CCDC102A: variants seen among roughly 807,000 people sequenced by gnomAD.
CCDC102A encodes the protein coiled-coil domain-containing protein 102A.
In CCDC102A, 40 loss-of-function variants were observed where a neutral mutation model predicts 55.5. That is an observed-to-expected ratio of 0.72 (90% CI 0.56 to 0.94). The LOEUF (loss-of-function observed/expected upper bound fraction) is 0.94. Among genes scored for constraint, CCDC102A ranks in the 40% least tolerant of loss-of-function variants. The pLI, the probability that CCDC102A is intolerant of heterozygous loss-of-function variation, is 0.00. For synonymous variants in CCDC102A, 323 were observed against 339.0 expected (o/e 0.95, Z 0.52); for missense variants, 779 against 768.6 (o/e 1.01, Z -0.16).
intron 5 of CCDC102A, 71 bp from the exon 6 acceptor site, chr16:57,518,348 G>C: frequency 7.0e-7 from 1 of 1,432,510 alleles, no homozygotes; most frequent in Non-Finnish European, 9.5e-7. Flanking sequence ...GGATGCCCCC[G>C]CCACCTCCTG....
chr16:57,518,665 C>T lies in CCDC102A; in HGVS notation c.998G>A (p.Arg333His), dbSNP rs777453730. Residue 333 changes from arginine (R) to histidine (H), a missense_variant, in exon 5 of 9, where the codon CGC (arginine) becomes CAC (histidine). Transcript: ENST00000258214. Reference protein sequence around the residue: ...SEDLEDELGARSSMDRKMAEL... With the variant: ...SEDLEDELGAHSSMDRKMAEL... ...GGCCATTTTCCGGTCCATGCTGGAG[C>T]GTGCACCGAGCTCATCTTCCAGGTC... 217 of 1,613,708 alleles carry T rather than the reference C, an allele frequency of 1.3e-4. No homozygotes were observed. Among genetic ancestry groups the T allele is most frequent in the Non-Finnish European group, 1.8e-4 (211 of 1,179,966 alleles).
At chr16:57,514,974 G>C (rs2031927841) in intron 8 of CCDC102A, among the ~76,000 whole-genome samples, 1 of 152,138 alleles carries the variant, frequency 6.6e-6, no homozygotes, top group South Asian at 2.1e-4. Context: ...TCAGATCCCT[G>C]CTGTCTTGGT....
In CCDC102A at chr16:57,520,588, TAACATAAATA is replaced by T. The variant is rs1354554278; in HGVS notation, c.921+470_921+479del. ...TAACATAACATAACATAACATAACA[TAACATAAATA>T]AAATAAAATAAATAAAATAAAATAA... On this transcript the variant is annotated intron_variant, in intron 4 of 8. Transcript: ENST00000258214. 1.6e-3 allele frequency among the ~76,000 whole-genome samples: 203 copies of T among 125,458 alleles called. 3 individuals are homozygous for T. Among genetic ancestry groups the T allele is most frequent in the African/African-American group, 6.7e-3 (191 of 28,372 alleles). The allele number at this position is 125,458 out of a possible 152,430, so 82.3% of individuals were successfully genotyped here.
rs759395585 is a variant in CCDC102A, at chr16:57,528,820, C to G, written c.358G>C (p.Glu120Gln). The G allele has an allele frequency of 2.4e-6, 3 of 1,259,100 alleles. No individual in the cohort carries two copies. The highest frequency in any genetic ancestry group is 3.9e-5 in the South Asian group (2 of 51,802). 78.0% of individuals were successfully genotyped at this position (1,259,100 alleles called of 1,614,324 possible). Residue 120 changes from glutamate (E) to glutamine (Q), a missense_variant, in exon 2 of 9, where the codon GAG becomes CAG. Transcript: ENST00000258214. ...CGCTGGCGCAGCTGGCGCACCTCCT[C>G]GCGCGCGCGGTTGCGCTCAGCGCGC... ...KVRAERNRAR[E>Q]EVRQLRQRLD...
chr16:57,513,639 G>T (rs1186880808), intron 8 of CCDC102A, among the ~76,000 whole-genome samples: 2 of 152,246 alleles, frequency 1.3e-5, no homozygotes, highest in African/African-American at 4.8e-5. Flanking sequence ...CCCACTTCTG[G>T]AGTTTATGGC....
chr16:57,531,471 C>T (rs1233294697), intron 1 of CCDC102A, among the ~76,000 whole-genome samples: 1 of 147,288 alleles, frequency 6.8e-6, no homozygotes, highest in Non-Finnish European at 1.5e-5. Context: ...ACCTGGGTAA[C>T]AGTACCCACA....
chr16:57,518,356 C>T, intron 5 of CCDC102A, 79 bp from the exon 6 acceptor site: 2 of 1,390,006 alleles, frequency 1.4e-6, no homozygotes, highest in Non-Finnish European at 9.8e-7. Flanking sequence ...CCGCCACCTC[C>T]TGGAGCCATT....
chr16:57,523,910 G>C (rs536745120), intron 3 of CCDC102A, among the ~76,000 whole-genome samples: 1 of 152,274 alleles, frequency 6.6e-6, no homozygotes, highest in East Asian at 1.9e-4. Flanking sequence ...AGTGTGGTGT[G>C]GGGTCATGAA....
rs755048547 is a variant in CCDC102A, at chr16:57,526,142, G to T, written c.586-15C>A. On this transcript the variant is annotated splice_polypyrimidine_tract_variant and intron_variant, in intron 2 of 8. Transcript: ENST00000258214. ...AGCTCCAGTTCCTGCGGGGACCAAG[G>T]TGGAGGCTGGACCAGTGGCCGCCAA... 3 of 1,518,400 alleles carry T rather than the reference G, an allele frequency of 2.0e-6. No homozygotes were observed. The highest frequency in any genetic ancestry group is 2.2e-5 in the Admixed American group (1 of 45,222). 94.1% of individuals were successfully genotyped at this position (1,518,400 alleles called of 1,614,324 possible). A position where few individuals can be genotyped will look rare whatever the true frequency, so the allele number is the denominator to read the frequency against.
chr16:57,512,593 G>C lies in CCDC102A; in HGVS notation c.*148C>G. The C allele has an allele frequency of 1.0e-6, 1 of 966,862 alleles. No individual in the cohort carries two copies. The highest frequency in any genetic ancestry group is 2.4e-5 in the Admixed American group (1 of 41,562). 59.9% of individuals were successfully genotyped at this position (966,862 alleles called of 1,614,324 possible). On this transcript the variant is annotated 3_prime_UTR_variant, in exon 9 of 9. Transcript: ENST00000258214. ...CCACAGGGCGTTGGTAGGTGGGACT[G>C]TTGACGCCATCCCTGGGAGAGAAGA... is the stretch of plus-strand genomic sequence containing the variant.
intron 8 of CCDC102A, among the ~76,000 whole-genome samples, chr16:57,514,316 C>G (rs1389730517): frequency 6.6e-6 from 1 of 152,132 alleles, no homozygotes; most frequent in Non-Finnish European, 1.5e-5. Context: ...CCTCCTGCCT[C>G]GGTCTCCCAA....
At chr16:57,513,881 A>T (rs888516274) in intron 8 of CCDC102A, among the ~76,000 whole-genome samples, 16 of 152,194 alleles carry the variant, frequency 1.1e-4, no homozygotes, top group Non-Finnish European at 2.1e-4. Flanking sequence ...CCATTCTCTA[A>T]GCCACAAGAT....
intron 3 of CCDC102A, among the ~76,000 whole-genome samples, chr16:57,522,411 T>C (rs2146705340): frequency 6.6e-6 from 1 of 152,242 alleles, no homozygotes; most frequent in Admixed American, 6.5e-5. Flanking sequence ...CCTCCTGCTG[T>C]ACCCCAGGCT....
rs1156730726 is a variant in CCDC102A at position 57,512,572 on chromosome 16, A to G, written c.*169T>C. 1 of 733,978 alleles carries G rather than the reference A, an allele frequency of 1.4e-6. No individual in the cohort carries two copies. The highest frequency in any genetic ancestry group is 2.2e-6 in the Non-Finnish European group (1 of 449,930). The allele number at this position is 733,978 out of a possible 1,614,324, so 45.5% of individuals were successfully genotyped here. On this transcript the variant is annotated 3_prime_UTR_variant, in exon 9 of 9. Coordinates refer to ENST00000258214, the MANE Select transcript of CCDC102A (RefSeq NM_033212.4). ...TATAAAACATAGGCTTCCTTTCCAC[A>G]GGGCGTTGGTAGGTGGGACTGTTGA...
Position 57,518,673 on chromosome 16 carries a change from G to C in CCDC102A, c.990C>G (p.Leu330=). The C allele has an allele frequency of 6.2e-7, 1 of 1,613,744 alleles. No homozygotes were observed. Among genetic ancestry groups the C allele is most frequent in the East Asian group, 2.2e-5 (1 of 44,872 alleles). The change falls in exon 5 of 9, where the codon CTC becomes CTG. Residue 330 remains leucine (L), a synonymous_variant. Transcript: ENST00000258214. The stretch of plus-strand genomic sequence containing the variant: ...TCCGGTCCATGCTGGAGCGTGCACC[G>C]AGCTCATCTTCCAGGTCCTCAGACA... ...GRMSEDLEDE[L]GARSSMDRKM...
chr16:57,534,872 A>G (rs375771009), intron 1 of CCDC102A, among the ~76,000 whole-genome samples: 39 of 152,244 alleles, frequency 2.6e-4, no homozygotes, highest in African/African-American at 8.9e-4. Flanking sequence ...GGGAAGCCTA[A>G]TTGACCCACT....
At chr16:57,528,488 A>G (rs2032182332) in intron 2 of CCDC102A, 105 bp downstream of exon 2, 2 of 833,328 alleles carry the variant, frequency 2.4e-6, no homozygotes, top group Non-Finnish European at 3.0e-6. Flanking sequence ...TGAAACCTCC[A>G]GGAGGCCAGG....
At chr16:57,512,909 C>T in intron 8 of CCDC102A, 39 bp from the exon 9 acceptor site, 1 of 1,587,300 alleles carries the variant, frequency 6.3e-7, no homozygotes, top group African/African-American at 1.3e-5. Context: ...AGCAGCCTGG[C>T]TGGTAGTCCC....
intron 4 of CCDC102A, among the ~76,000 whole-genome samples, chr16:57,520,591 C>A (rs1395737972): frequency 9.7e-6 from 1 of 103,592 alleles, no homozygotes; most frequent in Non-Finnish European, 2.0e-5. Flanking sequence ...CATAACATAA[C>A]ATAAATAAAA....
Sources: gnomAD v4.1 joint callset for allele counts (sites outside exome capture counted in the v4.1 genomes callset) on GRCh38, gnomAD v4.1.1 for gene constraint, MANE v1.5 for transcripts, NCBI Gene and HGNC (gene_info 2026-07-23, HGNC 2026-07-21) for gene names.